The following SPATA7 variants were observed in gnomAD, a reference collection of about 807,000 sequenced individuals.
The protein encoded by SPATA7 is spermatogenesis associated 7, also known as spermatogenesis-associated protein 7.
In SPATA7, 43 loss-of-function variants were observed where a neutral mutation model predicts 51.8. The observed-to-expected ratio is 0.83, with a 90% CI of 0.65 to 1.07. The LOEUF (loss-of-function observed/expected upper bound fraction) is 1.07, where lower values mean the gene tolerates loss of function less well. Ranked by LOEUF, SPATA7 falls within the 50% of genes least tolerant of loss-of-function variation. The pLI is 0.00. For missense variants in SPATA7, 683 were observed against 701.3 expected, an observed-to-expected ratio of 0.97 and a Z score of 0.30; for synonymous variants, 230 against 252.8, an observed-to-expected ratio of 0.91 and a Z score of 0.86.
downstream of SPATA7, among the ~76,000 whole-genome samples, chr14:88,439,887 T>C (rs1566792323): frequency 6.6e-6 from 1 of 152,114 alleles, no homozygotes; most frequent in Non-Finnish European, 1.5e-5. Flanking sequence ...TTGGCACACC[T>C]TCCCCTCAGC....
chr14:88,415,124 C>T (rs181057269), intron 4 of SPATA7: 423 of 190,956 alleles, frequency 2.2e-3, no homozygotes, highest in Non-Finnish European at 3.2e-3. Context: ...TAGTTTTCTG[C>T]TTTGAGGGTC....
At chr14:88,422,145 G>A (rs1358764713) in intron 5 of SPATA7, among the ~76,000 whole-genome samples, 4 of 152,082 alleles carry the variant, frequency 2.6e-5, no homozygotes, top group African/African-American at 9.7e-5. Flanking sequence ...GGAGTTTATT[G>A]TTTGGCTGTG....
chr14:88,442,935 T>A (rs374253444), downstream of SPATA7, among the ~76,000 whole-genome samples: 91 of 138,994 alleles, frequency 6.5e-4, no homozygotes, highest in African/African-American at 2.0e-3. Flanking sequence ...GGTTTTTTGT[T>A]AGTAATTTTT....
intron 4 of SPATA7, among the ~76,000 whole-genome samples, chr14:88,400,841 AT>A (rs1281577134): frequency 3.3e-5 from 5 of 152,178 alleles, no homozygotes; most frequent in African/African-American, 7.2e-5. Flanking sequence ...TCTCAAAAAA[AT>A]AAAATTAAAA....
At chr14:88,388,543 ATT>A (rs139973791) in intron 1 of SPATA7, among the ~76,000 whole-genome samples, 5,356 of 152,192 alleles carry the variant, frequency 0.035, 308 homozygotes, top group African/African-American at 0.12. Context: ...CCATACAGTG[ATT>A]TTTATACAAG....
intron 4 of SPATA7, among the ~76,000 whole-genome samples, chr14:88,408,562 A>G (rs1002988493): frequency 1.3e-5 from 2 of 152,122 alleles, no homozygotes; most frequent in Non-Finnish European, 2.9e-5. Context: ...AACAGAGACA[A>G]TTTGACTTTC....
chr14:88,392,985 TGTAGG>T (rs1466834395), intron 2 of SPATA7, among the ~76,000 whole-genome samples: 1 of 152,140 alleles, frequency 6.6e-6, no homozygotes, highest in African/African-American at 2.4e-5. Context: ...AATTTTTGTA[TGTAGG>T]GTTTTGGGAT....
In SPATA7 at chr14:88,469,534, T is replaced by C; in HGVS notation, c.255-313T>C. The C allele has an allele frequency of 6.2e-7, 1 of 1,614,200 alleles. No homozygotes were observed. The highest frequency in any genetic ancestry group is 8.5e-7 in the Non-Finnish European group (1 of 1,180,008). ...CTTGAGGTCTTCTGGACAGCCATGT[T>C]CAGGCCAGTCTGTGTATTGGAGGTG... On this transcript the variant is annotated intron_variant, in intron 4 of 4. Transcript: ENST00000556406. The surrounding 1 kb of genome is among the most constrained non-coding windows in gnomAD (Gnocchi z 4.3).
intron 4 of SPATA7, chr14:88,468,299 G>A (rs776700561): frequency 1.9e-6 from 3 of 1,558,430 alleles, no homozygotes; most frequent in East Asian, 2.3e-5. Context: ...AAGATAATGT[G>A]TTCCCCTGGG....
chr14:88,468,814 T>C (rs2077405986), intron 4 of SPATA7: 2 of 1,468,966 alleles, frequency 1.4e-6, no homozygotes, highest in Non-Finnish European at 9.4e-7. Context: ...GCCACCACAG[T>C]CCAAGGAAAT....
At chr14:88,392,961 G>C (rs2075782849) in intron 2 of SPATA7, among the ~76,000 whole-genome samples, 1 of 152,034 alleles carries the variant, frequency 6.6e-6, no homozygotes, top group African/African-American at 2.4e-5. Context: ...TTAGAAATTT[G>C]CTTCTTGGAA....
intron 4 of SPATA7, among the ~76,000 whole-genome samples, chr14:88,407,954 T>G (rs1291293338): frequency 6.6e-6 from 1 of 152,176 alleles, no homozygotes; most frequent in African/African-American, 2.4e-5. Flanking sequence ...TCTGTTCTAT[T>G]CCATTGGTCT....
downstream of SPATA7, among the ~76,000 whole-genome samples, chr14:88,458,896 T>C (rs1308653960): frequency 6.6e-6 from 1 of 152,240 alleles, no homozygotes; most frequent in Non-Finnish European, 1.5e-5. Flanking sequence ...GCTTTAAATG[T>C]GTCCCAGAGA....
chr14:88,391,364 T>C lies in SPATA7; in HGVS notation c.20-17T>C. The C allele has an allele frequency of 6.2e-7, 1 of 1,604,838 alleles. No homozygotes were observed. The highest frequency in any genetic ancestry group is 8.5e-7 in the Non-Finnish European group (1 of 1,173,490). Reference sequence around the variant, plus strand: ...TTTCATTTATCCTAATTTATGATTTTTTTTTCTTGTTAAAAGTCAGAGCAA... The same window carrying C: ...TTTCATTTATCCTAATTTATGATTTCTTTTTCTTGTTAAAAGTCAGAGCAA... On this transcript the variant is annotated splice_polypyrimidine_tract_variant and intron_variant, in intron 1 of 11. Transcript: ENST00000393545.
rs1451365689 is a variant in SPATA7, at chr14:88,437,424, GA to G, written c.1161-114del. Reference sequence around the variant, plus strand: ...AAGGATTAGTCTTCAGCTTTACAGAGAAAAAGAAAAATCTGAAAAACATTTT... The same window carrying G: ...AAGGATTAGTCTTCAGCTTTACAGAGAAAAGAAAAATCTGAAAAACATTTT... On this transcript the variant is annotated intron_variant, in intron 10 of 11. Coordinates refer to ENST00000393545, the MANE Select transcript of SPATA7 (RefSeq NM_018418.5). The G allele has an allele frequency of 9.4e-6, 7 of 747,112 alleles. No homozygotes were observed. In the African/African-American group the frequency reaches 1.2e-4, roughly 13 times the overall value. The allele number at this position is 747,112 out of a possible 1,614,324, so 46.3% of individuals were successfully genotyped here. A position where few individuals can be genotyped will look rare whatever the true frequency, so the allele number is the denominator to read the frequency against.
At chr14:88,412,341 A>G (rs2076365000) in intron 4 of SPATA7, among the ~76,000 whole-genome samples, 1 of 151,964 alleles carries the variant, frequency 6.6e-6, no homozygotes, top group South Asian at 2.1e-4. Context: ...CATGATCACA[A>G]GGTCCCACAA....
intron 4 of SPATA7, among the ~76,000 whole-genome samples, chr14:88,463,547 C>T (rs1206138657): frequency 1.3e-5 from 2 of 152,092 alleles, no homozygotes; most frequent in African/African-American, 2.4e-5. Flanking sequence ...CATACAGATA[C>T]GGTTTGGTTC....
chr14:88,426,028 C>T (rs1228505871), intron 5 of SPATA7, among the ~76,000 whole-genome samples: 2 of 152,032 alleles, frequency 1.3e-5, no homozygotes, highest in African/African-American at 4.8e-5. Flanking sequence ...ATTGATTGCT[C>T]TATTACTTAT....
intron 9 of SPATA7, among the ~76,000 whole-genome samples, chr14:88,431,651 A>G (rs2076944372): frequency 6.6e-6 from 1 of 152,076 alleles, no homozygotes; most frequent in Non-Finnish European, 1.5e-5. Context: ...CTTCTGTTCT[A>G]CTTTCTACTT....
Sources: gnomAD v4.1 joint callset for allele counts (sites outside exome capture counted in the v4.1 genomes callset) on GRCh38, gnomAD v4.1.1 for gene constraint, Gnocchi (gnomAD v3.1) non-coding constraint, MANE v1.5 for transcripts, NCBI Gene and HGNC (gene_info 2026-07-23, HGNC 2026-07-21) for gene names.